The following CERKL variants were observed in gnomAD, a reference collection of about 807,000 sequenced individuals.
CERKL encodes the protein CERK like autophagy regulator.
Under a neutral mutation model 63.4 loss-of-function variants are expected in CERKL, and 61 were observed. That is an observed-to-expected ratio of 0.96 (90% CI 0.78 to 1.19). CERKL has a LOEUF of 1.19. Ranked by LOEUF, CERKL falls within the 50% of genes most tolerant of loss-of-function variation. CERKL has a pLI of 0.00. For synonymous variants in CERKL, 250 were observed against 230.5 expected (o/e 1.08, Z -0.77); for missense variants, 675 against 655.5 (o/e 1.03, Z -0.33).
intron 2 of CERKL, among the ~76,000 whole-genome samples, chr2:181,601,075 G>A (rs569283890): frequency 1.3e-5 from 2 of 152,126 alleles, no homozygotes; most frequent in South Asian, 4.2e-4. Flanking sequence ...CAAATACATG[G>A]AAACTAAACA....
chr2:181,601,423 T>C (rs549903905), intron 2 of CERKL, among the ~76,000 whole-genome samples: 1 of 152,128 alleles, frequency 6.6e-6, no homozygotes, highest in East Asian at 1.9e-4. Flanking sequence ...TAGCCAGGCG[T>C]AGTGGCGGGT....
At chr2:181,568,648 T>G (rs913375702) in intron 3 of CERKL, among the ~76,000 whole-genome samples, 2 of 151,624 alleles carry the variant, frequency 1.3e-5, no homozygotes, top group African/African-American at 4.8e-5. Flanking sequence ...GCGTTCAAAG[T>G]AAATGCTCAT....
intron 2 of CERKL, among the ~76,000 whole-genome samples, chr2:181,593,019 T>C (rs1685051667): frequency 6.6e-6 from 1 of 152,138 alleles, no homozygotes; most frequent in Non-Finnish European, 1.5e-5. Flanking sequence ...TGGAGAGCTA[T>C]ACAATAATAG....
intron 2 of CERKL, among the ~76,000 whole-genome samples, chr2:181,603,534 C>T (rs1226906808): frequency 6.6e-6 from 1 of 152,102 alleles, no homozygotes; most frequent in South Asian, 2.1e-4. Flanking sequence ...AATTCAATAG[C>T]ATCTTTAAAA....
intron 10 of CERKL, 40 bp downstream of exon 10, chr2:181,547,578 T>C (rs745413620): frequency 9.6e-6 from 15 of 1,554,480 alleles, no homozygotes; most frequent in Non-Finnish European, 1.2e-5. Flanking sequence ...AAATGGTCTA[T>C]AAGAAATGTA....
chr2:181,548,256 A>AG (rs1383675434), intron 8 of CERKL: 1 of 521,310 alleles, frequency 1.9e-6, no homozygotes, highest in Non-Finnish European at 3.4e-6. Context: ...AAGGAAAGAA[A>AG]GGGAAAAAAA....
chr2:181,549,765 T>C, intron 5 of CERKL, 57 bp from the exon 6 acceptor site: 4 of 1,153,010 alleles, frequency 3.5e-6, no homozygotes, highest in South Asian at 2.5e-5. Context: ...CAAACTAACA[T>C]TTGCTTTTAC....
At chr2:181,622,005 T>C (rs1686475715) in intron 1 of CERKL, among the ~76,000 whole-genome samples, 1 of 152,232 alleles carries the variant, frequency 6.6e-6, no homozygotes, top group Admixed American at 6.5e-5. Context: ...ACATCTAATA[T>C]GCACAGGGTG....
chr2:181,589,819 G>GGTATGTAT (rs36004440), intron 2 of CERKL, among the ~76,000 whole-genome samples: 1 of 151,944 alleles, frequency 6.6e-6, no homozygotes, highest in Non-Finnish European at 1.5e-5. Context: ...CTCCACAAAA[G>GGTATGTAT]GTATGTATGT....
At chr2:181,586,012 G>A (rs1684749212) in intron 2 of CERKL, among the ~76,000 whole-genome samples, 1 of 152,114 alleles carries the variant, frequency 6.6e-6, no homozygotes, top group Non-Finnish European at 1.5e-5. Flanking sequence ...ATGACAACCA[G>A]TAAGGAAAGA....
chr2:181,606,832 T>A (rs995110301), intron 1 of CERKL, among the ~76,000 whole-genome samples: 1 of 151,974 alleles, frequency 6.6e-6, no homozygotes, highest in Non-Finnish European at 1.5e-5. Context: ...TTAATCAGAG[T>A]AAAAGTATTT....
At chr2:181,575,114 G>A (rs1433123668) in intron 2 of CERKL, among the ~76,000 whole-genome samples, 1 of 152,134 alleles carries the variant, frequency 6.6e-6, no homozygotes, top group Non-Finnish European at 1.5e-5. Context: ...TTGCTTCCAT[G>A]CCTTCTCCCT....
At chr2:181,538,992 A>G in intron 12 of CERKL, 100 bp downstream of exon 12, 1 of 903,208 alleles carries the variant, frequency 1.1e-6, no homozygotes, top group South Asian at 1.4e-5. Context: ...TTAAAAACTA[A>G]CCAACTGCCT....
intron 1 of CERKL, among the ~76,000 whole-genome samples, chr2:181,628,721 T>C (rs1437936140): frequency 1.3e-5 from 2 of 152,174 alleles, no homozygotes; most frequent in Non-Finnish European, 2.9e-5. Flanking sequence ...GAATTAGATT[T>C]TGTAATATAT....
At chr2:181,651,905 T>C (rs1368698955) in intron 1 of CERKL, among the ~76,000 whole-genome samples, 2 of 77,520 alleles carry the variant, frequency 2.6e-5, no homozygotes, top group African/African-American at 1.1e-4. Flanking sequence ...CCATTTATAG[T>C]ACTTTTTTAA....
intron 1 of CERKL, among the ~76,000 whole-genome samples, chr2:181,624,340 C>A (rs888508254): frequency 2.0e-5 from 3 of 150,548 alleles, no homozygotes; most frequent in Non-Finnish European, 4.4e-5. Flanking sequence ...CTAGACTGGG[C>A]AGCAAAGGGA....
intron 1 of CERKL, among the ~76,000 whole-genome samples, chr2:181,636,171 TG>T (rs1487274699): frequency 2.0e-5 from 3 of 152,206 alleles, no homozygotes; most frequent in African/African-American, 7.2e-5. Flanking sequence ...TGCTAAGATT[TG>T]GTAGAATATA....
Position 181,548,854 on chromosome 2 carries a change from T to C in CERKL, c.899A>G (p.His300Arg), listed in dbSNP as rs778775955. 6.2e-7 allele frequency: 1 copy of C among 1,613,478 alleles called. No individual in the cohort carries two copies. Among genetic ancestry groups the C allele is most frequent in the Admixed American group, 1.7e-5 (1 of 59,968 alleles). ...ITATLHIIMG[H>R]VQLVDVCTFS... ...GGTGCAGACGTCGACCAGCTGTACATGCCCTTGAATATTACATTAAATATT... is the reference window on the plus strand; with the variant it reads ...GGTGCAGACGTCGACCAGCTGTACACGCCCTTGAATATTACATTAAATATT... The change falls in exon 7 of 13, where the codon CAT becomes CGT. Residue 300 changes from histidine to arginine, a missense_variant. Physicochemically the swap from His to Arg is conservative, Grantham distance 29. Coordinates refer to ENST00000410087, the MANE Select transcript of CERKL (RefSeq NM_201548.5).
intron 4 of CERKL, among the ~76,000 whole-genome samples, chr2:181,562,109 G>A (rs1318594079): frequency 2.0e-5 from 3 of 152,048 alleles, no homozygotes; most frequent in African/African-American, 7.2e-5. Context: ...CCACTGCTAA[G>A]CCACTGCACC....
Sources: gnomAD v4.1 joint callset for allele counts (sites outside exome capture counted in the v4.1 genomes callset) on GRCh38, gnomAD v4.1.1 for gene constraint, MANE v1.5 for transcripts, NCBI Gene and HGNC (gene_info 2026-07-23, HGNC 2026-07-21) for gene names.